The following THSD4 variants were observed in gnomAD, a reference collection of about 807,000 sequenced individuals.
THSD4 encodes the protein thrombospondin type 1 domain containing 4.
In THSD4, 69 loss-of-function variants were observed where a neutral mutation model predicts 119.0. The ratio of observed to expected loss-of-function variants is 0.58; its 90% CI spans 0.48 to 0.71. THSD4 has a LOEUF of 0.71. Among genes scored for constraint, THSD4 ranks in the 30% least tolerant of loss-of-function variants. The probability of loss-of-function intolerance (pLI) is 0.00; values close to 1 mark genes in which losing one functional copy is unlikely to be tolerated. For synonymous variants in THSD4, 524 were observed against 540.4 expected, an observed-to-expected ratio of 0.97 and a Z score of 0.42; for missense variants, 1,393 against 1,391.1, an observed-to-expected ratio of 1.00 and a Z score of -0.02.
Position 71,347,388 on chromosome 15 carries a change from T to G in THSD4, c.1016-64299T>G, listed in dbSNP as rs181139154. ...TGCCATCTCCCTGCCACTAGGGCTC[T>G]GACACCTTGCCCTGGGCCACTGCCA... On this transcript the variant is annotated intron_variant, in intron 6 of 17. Coordinates refer to ENST00000261862, the MANE Select transcript of THSD4 (RefSeq NM_024817.3). Among the ~76,000 whole-genome samples the G allele has an allele frequency of 7.2e-5, 11 of 152,336 alleles. No homozygotes were observed. The East Asian group carries it at 2.1e-3, about 29-fold the overall frequency.
At chr15:71,394,884 T>C (rs2046427141) in intron 6 of THSD4, among the ~76,000 whole-genome samples, 2 of 152,230 alleles carry the variant, frequency 1.3e-5, no homozygotes, top group South Asian at 4.1e-4. Flanking sequence ...CACCCGCTTC[T>C]ACTCAGCACT....
intron 9 of THSD4, chr15:71,729,672 T>C (rs1299055516): frequency 1.3e-5 from 2 of 152,114 alleles, no homozygotes; most frequent in African/African-American, 2.4e-5. Context: ...ATATTTTAAA[T>C]GGCATCAGAG....
At chr15:71,469,239 C>G (rs2047539965) in intron 7 of THSD4, among the ~76,000 whole-genome samples, 1 of 152,184 alleles carries the variant, frequency 6.6e-6, no homozygotes, top group South Asian at 2.1e-4. Flanking sequence ...CTAAACCGTG[C>G]TAACTTCATG....
chr15:71,775,079 G>C (rs2053889776), intron 17 of THSD4, among the ~76,000 whole-genome samples: 1 of 151,950 alleles, frequency 6.6e-6, no homozygotes, highest in Non-Finnish European at 1.5e-5. Flanking sequence ...CCGGGAGGCG[G>C]AGGTTGCGGT....
intron 6 of THSD4, among the ~76,000 whole-genome samples, chr15:71,351,945 A>G (rs947688640): frequency 3.3e-5 from 5 of 152,180 alleles, no homozygotes; most frequent in Admixed American, 3.3e-4. Flanking sequence ...TGGCTTTACC[A>G]TGCACACTTT....
chr15:71,219,953 T>C (rs556217568), intron 4 of THSD4, among the ~76,000 whole-genome samples: 1 of 152,332 alleles, frequency 6.6e-6, no homozygotes, highest in South Asian at 2.1e-4. Context: ...GAGGTTGGGC[T>C]GTCTGAGCTG....
At chr15:71,387,191 A>G (rs1004510362) in intron 6 of THSD4, among the ~76,000 whole-genome samples, 1 of 150,996 alleles carries the variant, frequency 6.6e-6, no homozygotes, top group Non-Finnish European at 1.5e-5. Flanking sequence ...CCTGCTAGGC[A>G]TAACTCATTA....
intron 7 of THSD4, among the ~76,000 whole-genome samples, chr15:71,608,049 C>G (rs1280750903): frequency 2.0e-5 from 3 of 151,864 alleles, no homozygotes; most frequent in Non-Finnish European, 4.4e-5. Context: ...TGGTGAAACC[C>G]TGTCTCTACT....
At chr15:71,424,028 C>A (rs549321963) in intron 7 of THSD4, among the ~76,000 whole-genome samples, 1 of 152,170 alleles carries the variant, frequency 6.6e-6, no homozygotes, top group Admixed American at 6.5e-5. Flanking sequence ...ACTCTCTGCA[C>A]CCCATGGCTG....
chr15:71,445,366 A>G (rs1297353878), intron 7 of THSD4, among the ~76,000 whole-genome samples: 1 of 152,202 alleles, frequency 6.6e-6, no homozygotes, highest in Non-Finnish European at 1.5e-5. Context: ...TCCACTATCT[A>G]GCACAGTGAG....
chr15:71,570,443 C>G (rs907870118), intron 7 of THSD4, among the ~76,000 whole-genome samples: 2 of 148,664 alleles, frequency 1.3e-5, no homozygotes, highest in Non-Finnish European at 3.0e-5. Flanking sequence ...GTCTTGTTAT[C>G]TCACCCAGGC....
At chr15:71,274,078 CA>C (rs1242106256) in intron 6 of THSD4, among the ~76,000 whole-genome samples, 5 of 152,146 alleles carry the variant, frequency 3.3e-5, no homozygotes, top group African/African-American at 1.2e-4. Flanking sequence ...ACACCTTGGC[CA>C]GGGGGAGCTG....
rs562575846 is a variant in THSD4 at position 71,561,076 on chromosome 15, G to A, written c.1153-99454G>A. ...TGCAAGCTCCGCCTCCCGGGTTCAC[G>A]CCATTCTCCTGCCTCAGCCTCCCGA... On this transcript the variant is annotated intron_variant, in intron 7 of 17. Coordinates refer to ENST00000261862, the MANE Select transcript of THSD4 (RefSeq NM_024817.3). 2.7e-3 allele frequency among the ~76,000 whole-genome samples: 395 copies of A among 148,974 alleles called. 2 individuals are homozygous for A. Among genetic ancestry groups the A allele is most frequent in the Non-Finnish European group, 4.4e-3 (296 of 67,650 alleles).
At chr15:71,314,342 C>T (rs940830268) in intron 6 of THSD4, among the ~76,000 whole-genome samples, 2 of 152,054 alleles carry the variant, frequency 1.3e-5, no homozygotes, top group Non-Finnish European at 2.9e-5. Flanking sequence ...GAGTCTCACT[C>T]TGTCACCCAG....
chr15:71,213,402 G>A (rs888419114), intron 3 of THSD4, among the ~76,000 whole-genome samples: 3 of 152,288 alleles, frequency 2.0e-5, no homozygotes, highest in East Asian at 1.9e-4. Flanking sequence ...AGTTATGACT[G>A]TGACTCCCGT....
At chr15:71,189,896 T>A (rs370717633) in intron 3 of THSD4, among the ~76,000 whole-genome samples, 18 of 152,194 alleles carry the variant, frequency 1.2e-4, no homozygotes, top group African/African-American at 4.1e-4. Flanking sequence ...TCCATACTGC[T>A]ACTCTGAGGA....
chr15:71,311,579 T>C (rs1448643975), intron 6 of THSD4, among the ~76,000 whole-genome samples: 1 of 152,210 alleles, frequency 6.6e-6, no homozygotes, highest in African/African-American at 2.4e-5. Context: ...ACTTTCTAAC[T>C]GTGCACTGAT....
chr15:71,272,909 A>G (rs28883571), intron 6 of THSD4, among the ~76,000 whole-genome samples: 3,045 of 152,270 alleles, frequency 0.02, 103 homozygotes, highest in African/African-American at 0.067. Context: ...GTTGGCCAGG[A>G]TATGGAGAAA....
At chr15:71,574,042 A>T (rs977196780) in intron 7 of THSD4, among the ~76,000 whole-genome samples, 3 of 152,202 alleles carry the variant, frequency 2.0e-5, no homozygotes, top group African/African-American at 7.2e-5. Flanking sequence ...CATAATTTCA[A>T]TTCTTGAGAA....
Sources: allele counts gnomAD v4.1 joint callset (sites outside exome capture counted in the v4.1 genomes callset), GRCh38; gene constraint gnomAD v4.1.1; transcripts MANE v1.5; gene names NCBI Gene and HGNC (gene_info 2026-07-23, HGNC 2026-07-21).